RORA: variants seen among roughly 807,000 people sequenced by gnomAD.
RORA encodes the protein nuclear receptor ROR-alpha.
In RORA, 7 loss-of-function variants were observed where a neutral mutation model predicts 69.5. That is an observed-to-expected ratio of 0.10 (90% CI 0.06 to 0.19). RORA has a LOEUF of 0.19. RORA is among the 10% of genes least tolerant of loss of function. The pLI is 1.00. For synonymous variants in RORA, 261 were observed against 240.8 expected (o/e 1.08, Z -0.78); for missense variants, 457 against 663.0 (o/e 0.69, Z 3.41).
At chr15:60,931,065 G>A (rs1002497727) in intron 1 of RORA, among the ~76,000 whole-genome samples, 1 of 152,194 alleles carries the variant, frequency 6.6e-6, no homozygotes, top group African/African-American at 2.4e-5. Flanking sequence ...AGGGGGAAGA[G>A]GGGGAAGACC....
chr15:60,629,861 C>T (rs1198838041), intron 2 of RORA, among the ~76,000 whole-genome samples: 2 of 152,128 alleles, frequency 1.3e-5, no homozygotes, highest in Non-Finnish European at 2.9e-5. Flanking sequence ...GCTATAGGAG[C>T]GTCTACATAA....
At chr15:61,064,305 T>C (rs1476714686) in intron 1 of RORA, among the ~76,000 whole-genome samples, 1 of 152,252 alleles carries the variant, frequency 6.6e-6, no homozygotes, top group Middle Eastern at 3.2e-3. Flanking sequence ...GTTGTCCAGG[T>C]AATTTTAGTC....
At chr15:60,639,202 C>T (rs1481407142) in intron 2 of RORA, among the ~76,000 whole-genome samples, 3 of 142,486 alleles carry the variant, frequency 2.1e-5, no homozygotes, top group Non-Finnish European at 3.0e-5. Context: ...TTCTTTAAAC[C>T]ATAAGCAGGT....
intron 1 of RORA, among the ~76,000 whole-genome samples, chr15:61,033,375 A>C (rs919051270): frequency 9.9e-5 from 15 of 152,084 alleles, no homozygotes; most frequent in African/African-American, 3.6e-4. Flanking sequence ...TTGCAAGCAA[A>C]ACTCAAGAGC....
At chr15:61,051,607 G>A (rs1484695416) in intron 1 of RORA, among the ~76,000 whole-genome samples, 1 of 152,214 alleles carries the variant, frequency 6.6e-6, no homozygotes, top group Non-Finnish European at 1.5e-5. Flanking sequence ...AGTTTTAAGT[G>A]TGGCTCCATG....
At chr15:60,672,660 C>T (rs1435653384) in intron 2 of RORA, among the ~76,000 whole-genome samples, 3 of 152,188 alleles carry the variant, frequency 2.0e-5, no homozygotes, top group African/African-American at 7.2e-5. Context: ...TTTTTCACTT[C>T]TCTAAGCTAC....
At chr15:61,127,731 T>C (rs981956187) in intron 1 of RORA, among the ~76,000 whole-genome samples, 4 of 152,188 alleles carry the variant, frequency 2.6e-5, no homozygotes, top group Non-Finnish European at 5.9e-5. Flanking sequence ...GCTTCCAATA[T>C]TTTTCAATAG....
chr15:61,209,630 G>A (rs963121440), intron 1 of RORA, among the ~76,000 whole-genome samples: 1 of 152,194 alleles, frequency 6.6e-6, no homozygotes, highest in African/African-American at 2.4e-5. Context: ...ATAAATGTCT[G>A]TTGTTTAAGC....
chr15:60,905,195 T>C lies in RORA; in HGVS notation c.167-226509A>G, dbSNP rs1454597283. Reference sequence around the variant, plus strand: ...TTGATATGCAGTCTTAGCCCTGTTATCATCTCTGATCTTGACCATTTCCCT... The same window carrying C: ...TTGATATGCAGTCTTAGCCCTGTTACCATCTCTGATCTTGACCATTTCCCT... On this transcript the variant is annotated intron_variant, in intron 1 of 10. Transcript: ENST00000335670. The surrounding 1 kb of genome is among the most constrained non-coding windows in gnomAD (Gnocchi z 4.8). 6.6e-6 allele frequency among the ~76,000 whole-genome samples: 1 copy of C among 152,238 alleles called. No individual in the cohort carries two copies. The highest frequency in any genetic ancestry group is 2.4e-5 in the African/African-American group (1 of 41,462).
chr15:60,760,807 C>T (rs1208188285), intron 1 of RORA, among the ~76,000 whole-genome samples: 4 of 152,030 alleles, frequency 2.6e-5, no homozygotes, highest in African/African-American at 9.7e-5. Context: ...TTAATCAAGT[C>T]TTCTGGGTAA....
intron 2 of RORA, among the ~76,000 whole-genome samples, chr15:60,532,140 G>A (rs528313352): frequency 2.0e-5 from 3 of 152,268 alleles, no homozygotes; most frequent in South Asian, 2.1e-4. Context: ...TGGAGAGTTC[G>A]CAGTTTAGGC....
At chr15:61,044,036 C>T (rs933310004) in intron 1 of RORA, among the ~76,000 whole-genome samples, 1 of 152,134 alleles carries the variant, frequency 6.6e-6, no homozygotes, top group Non-Finnish European at 1.5e-5. Flanking sequence ...CTCCTCCCAC[C>T]CCCTCCCTAA....
intron 1 of RORA, among the ~76,000 whole-genome samples, chr15:60,722,509 C>T (rs751296755): frequency 4.6e-5 from 7 of 152,204 alleles, no homozygotes; most frequent in Non-Finnish European, 1.0e-4. Flanking sequence ...CTCTGATTAG[C>T]CCCTGAGGGA....
chr15:60,881,892 G>A (rs1471925468), intron 1 of RORA, among the ~76,000 whole-genome samples: 3 of 152,192 alleles, frequency 2.0e-5, no homozygotes, highest in African/African-American at 7.2e-5. Flanking sequence ...TATACAAAAA[G>A]AACCCATTCA....
chr15:60,845,718 C>A (rs2073256742), intron 1 of RORA, among the ~76,000 whole-genome samples: 1 of 152,194 alleles, frequency 6.6e-6, no homozygotes, highest in African/African-American at 2.4e-5. Flanking sequence ...GTACTTAGCA[C>A]AATTATACAC....
chr15:60,955,555 CA>C (rs994562244), intron 1 of RORA, among the ~76,000 whole-genome samples: 3 of 152,128 alleles, frequency 2.0e-5, no homozygotes, highest in African/African-American at 7.2e-5. Context: ...AAATGCAATA[CA>C]AATATTTTTC....
At chr15:60,992,477 T>C (rs771087458) in intron 1 of RORA, among the ~76,000 whole-genome samples, 12 of 152,096 alleles carry the variant, frequency 7.9e-5, no homozygotes, top group Non-Finnish European at 1.6e-4. Flanking sequence ...ACAACATATA[T>C]AAGAATGGGA....
intron 1 of RORA, among the ~76,000 whole-genome samples, chr15:60,867,249 GC>G (rs2073499885): frequency 6.6e-6 from 1 of 152,158 alleles, no homozygotes; most frequent in Non-Finnish European, 1.5e-5. Flanking sequence ...AAGTGACTGA[GC>G]CTGAGGAGGG....
chr15:60,757,764 T>C (rs2071823801), intron 1 of RORA, among the ~76,000 whole-genome samples: 2 of 152,138 alleles, frequency 1.3e-5, no homozygotes, highest in Admixed American at 6.5e-5. Flanking sequence ...CCTTTCAGCC[T>C]CCCTTGCTGG....
Sources: gnomAD v4.1 joint callset for allele counts (sites outside exome capture counted in the v4.1 genomes callset) on GRCh38, gnomAD v4.1.1 for gene constraint, Gnocchi (gnomAD v3.1) non-coding constraint, MANE v1.5 for transcripts, NCBI Gene and HGNC (gene_info 2026-07-23, HGNC 2026-07-21) for gene names.